The following PTPN4 variants were observed in gnomAD, a reference collection of about 807,000 sequenced individuals.
The protein encoded by PTPN4 is protein tyrosine phosphatase non-receptor type 4, also known as tyrosine-protein phosphatase non-receptor type 4.
PTPN4 carries 49 observed loss-of-function variants against 135.5 expected under a neutral mutation model. That is an observed-to-expected ratio of 0.36 (90% CI 0.29 to 0.46). PTPN4 has a LOEUF of 0.46. PTPN4 is among the 20% of genes least tolerant of loss of function. The probability of loss-of-function intolerance (pLI) is 1.00; values close to 1 mark genes in which losing one functional copy is unlikely to be tolerated. For missense variants in PTPN4, 860 were observed against 1,101.0 expected, an observed-to-expected ratio of 0.78 and a Z score of 3.10; for synonymous variants, 333 against 369.9, an observed-to-expected ratio of 0.90 and a Z score of 1.14.
chr2:119,771,101 C>A (rs185006158), intron 1 of PTPN4, among the ~76,000 whole-genome samples: 1 of 152,308 alleles, frequency 6.6e-6, no homozygotes, highest in South Asian at 2.1e-4. Context: ...TACCTTGAGA[C>A]TCCCATGCTG....
chr2:119,965,180 C>T (rs1679427987), intron 24 of PTPN4, among the ~76,000 whole-genome samples: 1 of 152,170 alleles, frequency 6.6e-6, no homozygotes, highest in African/African-American at 2.4e-5. Context: ...GTAGTTTCAT[C>T]AGTATGCAGG....
At chr2:119,849,639 A>G (rs1338819785) in intron 2 of PTPN4, among the ~76,000 whole-genome samples, 5 of 152,162 alleles carry the variant, frequency 3.3e-5, no homozygotes, top group Non-Finnish European at 7.3e-5. Flanking sequence ...GTAACTATTG[A>G]TAATATATTG....
rs1183534561 is a variant in PTPN4 at position 119,840,171 on chromosome 2, A to G, written c.139-22365A>G. Among the ~76,000 whole-genome samples the G allele has an allele frequency of 2.6e-5, 4 of 152,132 alleles. No individual in the cohort carries two copies. In the East Asian group the frequency reaches 7.7e-4, roughly 29 times the overall value. The stretch of plus-strand genomic sequence containing the variant: ...GTGCAGGTTTGTTACACAGGTAAAT[A>G]TGTGCCATGGTGGTTTGCTGCACAG... On this transcript the variant is annotated intron_variant, in intron 2 of 26. Coordinates refer to ENST00000263708, the MANE Select transcript of PTPN4 (RefSeq NM_002830.4).
intron 2 of PTPN4, among the ~76,000 whole-genome samples, chr2:119,819,738 T>G (rs772154492): frequency 6.6e-6 from 1 of 152,230 alleles, no homozygotes; most frequent in Non-Finnish European, 1.5e-5. Flanking sequence ...TATTAATGCT[T>G]AATTATTTAA....
At chr2:119,832,557 A>G (rs1677234435) in intron 2 of PTPN4, among the ~76,000 whole-genome samples, 1 of 152,028 alleles carries the variant, frequency 6.6e-6, no homozygotes, top group South Asian at 2.1e-4. Context: ...TGTGCTTTAA[A>G]TTTATATTGA....
intron 1 of PTPN4, among the ~76,000 whole-genome samples, chr2:119,802,179 C>T (rs557419217): frequency 3.5e-4 from 53 of 152,176 alleles, no homozygotes; most frequent in African/African-American, 1.2e-3. Flanking sequence ...CTGGGATTAC[C>T]GGCCACCGTG....
chr2:119,799,999 T>C (rs534255242), intron 1 of PTPN4, among the ~76,000 whole-genome samples: 5 of 152,254 alleles, frequency 3.3e-5, no homozygotes, highest in African/African-American at 1.2e-4. Context: ...GAAGATAAAA[T>C]AGAAAAAAAT....
chr2:119,847,309 C>CATATAT (rs1421984645), intron 2 of PTPN4, among the ~76,000 whole-genome samples: 31 of 97,390 alleles, frequency 3.2e-4, no homozygotes, highest in South Asian at 3.7e-4. Context: ...CACACACACA[C>CATATAT]ACACACATAT....
chr2:119,943,756 T>G (rs1225201139), intron 15 of PTPN4, among the ~76,000 whole-genome samples: 1 of 151,502 alleles, frequency 6.6e-6, no homozygotes, highest in Non-Finnish European at 1.5e-5. Flanking sequence ...CTAGCTAATT[T>G]TTTTGTATTT....
At position 119,861,415 on chromosome 2, in the gene PTPN4, A is replaced by G. The variant is rs562934718; in HGVS notation, c.139-1121A>G. ...GGGACAAACTCAAACCATTGCACAT[A>G]TTTTTCTAATATATGTTGTATATAA... On this transcript the variant is annotated intron_variant, in intron 2 of 26. Coordinates refer to ENST00000263708, the MANE Select transcript of PTPN4 (RefSeq NM_002830.4). Among the ~76,000 whole-genome samples, 7 of 152,232 alleles carry G rather than the reference A, an allele frequency of 4.6e-5. No homozygotes were observed. The East Asian group carries it at 1.2e-3, about 25-fold the overall frequency.
chr2:119,899,854 T>C (rs1033190128), intron 9 of PTPN4, among the ~76,000 whole-genome samples: 2 of 152,154 alleles, frequency 1.3e-5, no homozygotes, highest in South Asian at 4.1e-4. Flanking sequence ...ATTAATAAGA[T>C]TTTATTTCAT....
chr2:119,975,996 TTTA>T (rs1287446320), intron 26 of PTPN4, among the ~76,000 whole-genome samples: 90 of 76,710 alleles, frequency 1.2e-3, no homozygotes, highest in Non-Finnish European at 1.7e-3. Flanking sequence ...TATTTATTTA[TTTA>T]TTTTTTTTTT....
intron 2 of PTPN4, among the ~76,000 whole-genome samples, chr2:119,848,541 A>G (rs770728461): frequency 5.6e-4 from 85 of 151,806 alleles, no homozygotes; most frequent in Non-Finnish European, 1.1e-3. Flanking sequence ...CTGTCATTAT[A>G]CATACATTGG....
intron 18 of PTPN4, among the ~76,000 whole-genome samples, chr2:119,949,714 A>C (rs1318786621): frequency 1.3e-5 from 2 of 152,204 alleles, no homozygotes; most frequent in South Asian, 4.2e-4. Context: ...ATGGTGGCAC[A>C]CGCCTGTGAT....
At chr2:119,973,655 G>GTTTTTTTTTTTGTTT (rs1679569142) in intron 26 of PTPN4, among the ~76,000 whole-genome samples, 1 of 38,394 alleles carries the variant, frequency 2.6e-5, no homozygotes, top group South Asian at 1.1e-3. Context: ...TTCATTTCTT[G>GTTTTTTTTTTTGTTT]TTTTTTTTTT....
intron 22 of PTPN4, among the ~76,000 whole-genome samples, chr2:119,960,165 T>A (rs1016404683): frequency 1.3e-5 from 2 of 152,206 alleles, no homozygotes; most frequent in Non-Finnish European, 2.9e-5. Context: ...AGAGACTTTC[T>A]TTATTCACTC....
At chr2:119,915,301 A>C in intron 11 of PTPN4, 59 bp downstream of exon 11, 2 of 1,356,236 alleles carry the variant, frequency 1.5e-6, no homozygotes, top group South Asian at 1.4e-5. Flanking sequence ...ATACCCATTC[A>C]TGACAGAACT....
intron 1 of PTPN4, among the ~76,000 whole-genome samples, chr2:119,805,315 T>C (rs1393260013): frequency 6.6e-6 from 1 of 152,198 alleles, no homozygotes; most frequent in East Asian, 1.9e-4. Context: ...CTATTTTGTT[T>C]TGTTTGTTTT....
intron 24 of PTPN4, among the ~76,000 whole-genome samples, chr2:119,963,928 T>G (rs1369341633): frequency 2.0e-5 from 3 of 152,210 alleles, no homozygotes; most frequent in African/African-American, 7.2e-5. Context: ...GTGGCTTTTC[T>G]TTACACACCC....
Sources: gnomAD v4.1 joint callset for allele counts (sites outside exome capture counted in the v4.1 genomes callset) on GRCh38, gnomAD v4.1.1 for gene constraint, MANE v1.5 for transcripts, NCBI Gene and HGNC (gene_info 2026-07-23, HGNC 2026-07-21) for gene names.